The following PSMD3 variants were observed in gnomAD, a reference collection of about 807,000 sequenced individuals.
PSMD3 encodes proteasome 26S subunit, non-ATPase 3.
In PSMD3, 5 loss-of-function variants were observed where a neutral mutation model predicts 62.8. The ratio of observed to expected loss-of-function variants is 0.08; its 90% CI spans 0.04 to 0.17. The LOEUF (loss-of-function observed/expected upper bound fraction) is 0.17. PSMD3 is among the 10% of genes least tolerant of loss of function. PSMD3 has a pLI of 1.00. For missense variants in PSMD3, 524 were observed against 713.6 expected (o/e 0.73, Z 3.03); for synonymous variants, 265 against 283.9 (o/e 0.93, Z 0.67).
Position 39,994,383 on chromosome 17 carries a change from C to T in PSMD3, c.982-571C>T, listed in dbSNP as rs374721014. 3.9e-5 allele frequency: 6 copies of T among 154,948 alleles called. No homozygotes were observed. In the East Asian group the frequency reaches 7.6e-4, roughly 20 times the overall value. 9.6% of individuals were successfully genotyped at this position (154,948 alleles called of 1,614,324 possible). A position where few individuals can be genotyped will look rare whatever the true frequency, so the allele number is the denominator to read the frequency against. ...GACTCCACCCACGGTCAGCACCACT[C>T]GGAAATACTTCACAGTCCTGTAGAG... On this transcript the variant is annotated intron_variant, in intron 6 of 11. Transcript: ENST00000264639.
chr17:39,984,526 C>T, intron 2 of PSMD3, 42 bp downstream of exon 2: 1 of 1,514,116 alleles, frequency 6.6e-7, no homozygotes, highest in East Asian at 2.3e-5. Flanking sequence ...GGCCTGGCCT[C>T]AGATCCCCAG....
chr17:39,983,871 T>C (rs1179540536), intron 1 of PSMD3, among the ~76,000 whole-genome samples: 1 of 151,996 alleles, frequency 6.6e-6, no homozygotes, highest in East Asian at 1.9e-4. Flanking sequence ...AAAAGGTGAG[T>C]GGTCGCATTT....
chr17:39,993,824 GTTA>G (rs1408867639), intron 6 of PSMD3: 1 of 152,172 alleles, frequency 6.6e-6, no homozygotes, highest in Non-Finnish European at 1.5e-5. Flanking sequence ...GCTAGGTATT[GTTA>G]TTGTTATTTG....
At chr17:39,985,840 A>G (rs1206402702) in intron 2 of PSMD3, among the ~76,000 whole-genome samples, 1 of 152,204 alleles carries the variant, frequency 6.6e-6, no homozygotes, top group Non-Finnish European at 1.5e-5. Context: ...GACTTTCCCT[A>G]AATTTTCTTT....
chr17:39,988,642 T>C, intron 3 of PSMD3, 41 bp from the exon 4 acceptor site: 3 of 1,609,350 alleles, frequency 1.9e-6, no homozygotes, highest in Non-Finnish European at 2.5e-6. Context: ...TTTATCCTTT[T>C]GAGGAACTGC....
intron 1 of PSMD3, 49 bp from the exon 2 acceptor site, chr17:39,984,245 G>T: frequency 1.5e-6 from 2 of 1,336,852 alleles, no homozygotes. Flanking sequence ...TGGAGTGGTG[G>T]GGGACTAGGA....
chr17:39,996,461 T>C lies in PSMD3; in HGVS notation c.1476+123T>C. On this transcript the variant is annotated intron_variant, in intron 10 of 11. Transcript: ENST00000264639. The surrounding 1 kb of genome is among the most constrained non-coding windows in gnomAD (Gnocchi z 5.1). ...CACGTCCCAGCCAATCTCTGTAAAA[T>C]CACTGAGCTGCAGCACAGGGGGCCC... 7.5e-7 allele frequency: 1 copy of C among 1,336,322 alleles called. No homozygotes were observed. The highest frequency in any genetic ancestry group is 1.3e-5 in the South Asian group (1 of 75,130). 82.8% of individuals were successfully genotyped at this position (1,336,322 alleles called of 1,614,324 possible).
chr17:39,984,734 C>T (rs542885881), intron 2 of PSMD3, among the ~76,000 whole-genome samples: 4 of 152,302 alleles, frequency 2.6e-5, no homozygotes, highest in African/African-American at 9.6e-5. Flanking sequence ...GCAACCTGTA[C>T]CCCCTACTCC....
intron 3 of PSMD3, among the ~76,000 whole-genome samples, chr17:39,987,179 T>G (rs1232721951): frequency 6.6e-6 from 1 of 152,214 alleles, no homozygotes; most frequent in Non-Finnish European, 1.5e-5. Context: ...AAATGGTAGC[T>G]GTTATTATGG....
chr17:39,996,749 C>T lies in PSMD3; in HGVS notation c.1476+411C>T. The T allele has an allele frequency of 2.1e-6, 1 of 469,208 alleles. No individual in the cohort carries two copies. The highest frequency in any genetic ancestry group is 4.2e-6 in the Non-Finnish European group (1 of 236,190). The allele number at this position is 469,208 out of a possible 1,614,324, so 29.1% of individuals were successfully genotyped here. A position where few individuals can be genotyped will look rare whatever the true frequency, so the allele number is the denominator to read the frequency against. On this transcript the variant is annotated intron_variant, in intron 10 of 11. Transcript: ENST00000264639. This position sits in a 1 kb window ranked among gnomAD's most constrained non-coding sequence, Gnocchi z 5.1. ...CCTGTATTGAGGCACTTAGCGAAGT[C>T]TAAATTGTAAAAAAGATGGCGCTGG...
chr17:39,983,819 AGT>A (rs1980446507), intron 1 of PSMD3, among the ~76,000 whole-genome samples: 1 of 152,146 alleles, frequency 6.6e-6, no homozygotes, highest in Admixed American at 6.5e-5. Context: ...TCTTAAAATC[AGT>A]GTGTGGAATC....
In PSMD3 at chr17:39,995,559, G is replaced by A. The variant is rs1980763082; in HGVS notation, c.1320+32G>A. 1 of 1,574,194 alleles carries A rather than the reference G, an allele frequency of 6.4e-7. No individual in the cohort carries two copies. Among genetic ancestry groups the A allele is most frequent in the South Asian group, 1.1e-5 (1 of 90,234 alleles). The stretch of plus-strand genomic sequence containing the variant: ...CTGGTTCAGGAACCACAGTGACCAG[G>A]TTGTCACTTTCCTGCCAATCTCAGG... On this transcript the variant is annotated intron_variant, in intron 9 of 11. Coordinates refer to ENST00000264639, the MANE Select transcript of PSMD3 (RefSeq NM_002809.4). The surrounding 1 kb of genome is among the most constrained non-coding windows in gnomAD (Gnocchi z 4.1).
rs62065168 is a variant in PSMD3, at chr17:39,986,489, T to C, written c.412-86T>C. The C allele has an allele frequency of 4.7e-3, 7,007 of 1,499,072 alleles. 29 individuals are homozygous for C. Among genetic ancestry groups the C allele is most frequent in the Non-Finnish European group, 5.5e-3 (5,995 of 1,086,992 alleles). The allele number at this position is 1,499,072 out of a possible 1,614,324, so 92.9% of individuals were successfully genotyped here. A position where few individuals can be genotyped will look rare whatever the true frequency, so the allele number is the denominator to read the frequency against. On this transcript the variant is annotated intron_variant, in intron 2 of 11. Transcript: ENST00000264639. ...GCACATGGTAGACACTCAATAAATA[T>C]GTTGAAATACATAGTGGATGCTCAA...
intron 3 of PSMD3, 95 bp downstream of exon 3, chr17:39,986,807 T>C (rs1371624097): frequency 4.7e-6 from 7 of 1,474,852 alleles, no homozygotes; most frequent in Non-Finnish European, 6.5e-6. Flanking sequence ...GAAATAATCA[T>C]TGATTCTTAA....
Position 39,995,754 on chromosome 17 carries a change from G to A in PSMD3, c.1320+227G>A, listed in dbSNP as rs1377611920. The A allele has an allele frequency of 5.3e-6, 3 of 567,170 alleles. No individual in the cohort carries two copies. Among genetic ancestry groups the A allele is most frequent in the Non-Finnish European group, 9.5e-6 (3 of 315,616 alleles). The allele number at this position is 567,170 out of a possible 1,614,324, so 35.1% of individuals were successfully genotyped here. On this transcript the variant is annotated intron_variant, in intron 9 of 11. Transcript: ENST00000264639. This position sits in a 1 kb window ranked among gnomAD's most constrained non-coding sequence, Gnocchi z 4.1. ...GTGTGCACATGTTGAGTTTATGATA[G>A]TGCCTGTGAGTGTGAGAATATAAGG...
rs886895210 is a variant in PSMD3, at chr17:39,997,765, TACTGTACAGCAG to T, written c.*185_*196del. 1.4e-6 allele frequency: 1 copy of T among 692,130 alleles called. No individual in the cohort carries two copies. Among genetic ancestry groups the T allele is most frequent in the African/African-American group, 1.8e-5 (1 of 56,180 alleles). 42.9% of individuals were successfully genotyped at this position (692,130 alleles called of 1,614,324 possible). On this transcript the variant is annotated 3_prime_UTR_variant, in exon 12 of 12. Coordinates refer to ENST00000264639, the MANE Select transcript of PSMD3 (RefSeq NM_002809.4). ...CAGGGCTCCTCCCCAGCCGGTGACT[TACTGTACAGCAG>T]GCAGGAGGGTGGGCAGGCAACCTCC...
chr17:39,981,123 A>G lies in PSMD3; in HGVS notation c.153A>G (p.Ala51=). 6.4e-7 allele frequency: 1 copy of G among 1,550,542 alleles called. No homozygotes were observed. Among genetic ancestry groups the G allele is most frequent in the Non-Finnish European group, 8.7e-7 (1 of 1,146,574 alleles). ...AATGGGSTGE[A]DGKTAAAAAE... is the part of the protein sequence containing the mutation. ...CGGGTGGCGGGTCGACGGGGGAGGC[A>G]GACGGCAAGACGGCGGCGGCAGCGG... is the stretch of plus-strand genomic sequence containing the variant. The change falls in exon 1 of 12, where the codon GCA becomes GCG. Residue 51 remains alanine, a synonymous_variant. Transcript: ENST00000264639.
rs1980798433 is a variant in PSMD3, at chr17:39,996,942, T to C, written c.1477-388T>C. 5.0e-6 allele frequency: 2 copies of C among 401,974 alleles called. No homozygotes were observed. The highest frequency in any genetic ancestry group is 9.5e-6 in the Non-Finnish European group (2 of 211,072). 24.9% of individuals were successfully genotyped at this position (401,974 alleles called of 1,614,324 possible). A position where few individuals can be genotyped will look rare whatever the true frequency, so the allele number is the denominator to read the frequency against. The stretch of plus-strand genomic sequence containing the variant: ...CTACTCCACGTGACATGCAAGGCCC[T>C]TTGTGACCTGGTCCCTTAGGTCAAG... On this transcript the variant is annotated intron_variant, in intron 10 of 11. Coordinates refer to ENST00000264639, the MANE Select transcript of PSMD3 (RefSeq NM_002809.4). The surrounding 1 kb of genome is among the most constrained non-coding windows in gnomAD (Gnocchi z 5.1).
Position 39,986,701 on chromosome 17 carries a change from C to T in PSMD3, c.538C>T (p.Arg180Cys), listed in dbSNP as rs199927905. The change falls in exon 3 of 12, where the codon CGC becomes TGC. Residue 180 changes from arginine (R) to cysteine (C), a missense_variant. By Grantham distance (180) the Arg-to-Cys change is radical (BLOSUM62 -3). Around this residue, in one of 4 missense-constraint regions of PSMD3, gnomAD observed 396 missense variants for 475.8 expected, o/e 0.83. Coordinates refer to ENST00000264639, the MANE Select transcript of PSMD3 (RefSeq NM_002809.4). ...GGTCATCTTCATGATGAACAGCAAG[C>T]GCTACAAAGAGGTATCCAGGATGCA... ...LVVIFMMNSK[R>C]YKEAQKISDD... The T allele has an allele frequency of 1.7e-4, 274 of 1,613,998 alleles. 1 individual carries two copies. The highest frequency in any genetic ancestry group is 2.3e-4 in the Non-Finnish European group (266 of 1,180,018).
Sources: allele counts gnomAD v4.1 joint callset (sites outside exome capture counted in the v4.1 genomes callset), GRCh38; gene constraint gnomAD v4.1.1; regional missense constraint gnomAD v4.1.1; non-coding constraint Gnocchi (gnomAD v3.1); transcripts MANE v1.5; gene names NCBI Gene and HGNC (gene_info 2026-07-23, HGNC 2026-07-21).